PRMT7: variants seen among roughly 807,000 people sequenced by gnomAD.
PRMT7 encodes protein arginine methyltransferase 7, also known as protein arginine N-methyltransferase 7.
In PRMT7, 75 loss-of-function variants were observed where a neutral mutation model predicts 85.4. The ratio of observed to expected loss-of-function variants is 0.88; its 90% CI spans 0.73 to 1.06. The LOEUF is 1.06. Among genes scored for constraint, PRMT7 ranks in the 50% least tolerant of loss-of-function variants. The pLI is 0.00. For synonymous variants in PRMT7, 397 were observed against 359.5 expected (o/e 1.10, Z -1.18); for missense variants, 868 against 915.2 (o/e 0.95, Z 0.67).
At chr16:68,346,914 A>G (rs1402736539) in intron 11 of PRMT7, among the ~76,000 whole-genome samples, 2 of 152,112 alleles carry the variant, frequency 1.3e-5, no homozygotes, top group African/African-American at 2.4e-5. Context: ...TGCTCTAACC[A>G]GACAGGGAAG....
chr16:68,346,194 C>G lies in PRMT7; in HGVS notation c.1105C>G (p.Gln369Glu). 1 of 1,614,174 alleles carries G rather than the reference C, an allele frequency of 6.2e-7. No individual in the cohort carries two copies. The highest frequency in any genetic ancestry group is 8.5e-7 in the Non-Finnish European group (1 of 1,180,040). ...VRQMRPVCDC[Q>E]AHLLWNRPRF... ...CCAGATGCGCCCCGTGTGTGACTGC[C>G]AGGCTCACCTGCTCTGGAACCGGCC... is the stretch of plus-strand genomic sequence containing the variant. The change falls in exon 11 of 19, where the codon CAG (glutamine) becomes GAG (glutamate). Residue 369 changes from glutamine to glutamate, a missense_variant. Gln to Glu is a conservative substitution (Grantham distance 29). Transcript: ENST00000441236.
chr16:68,332,761 C>T (rs893344223), intron 6 of PRMT7, among the ~76,000 whole-genome samples: 14 of 152,190 alleles, frequency 9.2e-5, no homozygotes, highest in Middle Eastern at 3.2e-3. Flanking sequence ...GACTGCCGTG[C>T]TCTGTGTCAC....
At chr16:68,339,274 G>C (rs1333299960) in intron 7 of PRMT7, 48 bp from the exon 8 acceptor site, 1 of 1,608,126 alleles carries the variant, frequency 6.2e-7, no homozygotes, top group South Asian at 1.1e-5. Flanking sequence ...ATTACTGTGG[G>C]TCTAAGCATC....
intron 2 of PRMT7, among the ~76,000 whole-genome samples, chr16:68,313,297 G>C (rs1414614600): frequency 6.6e-6 from 1 of 152,118 alleles, no homozygotes; most frequent in Non-Finnish European, 1.5e-5. Flanking sequence ...TCTGACACAG[G>C]CACATGAACA....
At position 68,357,398 on chromosome 16, in the gene PRMT7, C is replaced by T; in HGVS notation, c.*174C>T. ...ATCTTTGCACTGCTGGCCTCTGGCT[C>T]CAGCTGTGGCAGGAAGCATGAGAGG... is the stretch of plus-strand genomic sequence containing the variant. On this transcript the variant is annotated 3_prime_UTR_variant, in exon 19 of 19. Coordinates refer to ENST00000441236, the MANE Select transcript of PRMT7 (RefSeq NM_019023.5). 2.9e-6 allele frequency: 2 copies of T among 682,016 alleles called. No individual in the cohort carries two copies. The highest frequency in any genetic ancestry group is 4.7e-6 in the Non-Finnish European group (2 of 428,516). The allele number at this position is 682,016 out of a possible 1,614,324, so 42.2% of individuals were successfully genotyped here. A position where few individuals can be genotyped will look rare whatever the true frequency, so the allele number is the denominator to read the frequency against.
In PRMT7 at chr16:68,311,198, G is replaced by A. The variant is rs1170159244; in HGVS notation, c.-219+99G>A. 3.0e-5 allele frequency: 17 copies of A among 573,738 alleles called. 1 individual carries two copies. In the South Asian group the frequency reaches 3.0e-4, roughly 10 times the overall value. 35.5% of individuals were successfully genotyped at this position (573,738 alleles called of 1,614,324 possible). Reference sequence around the variant, plus strand: ...ACCAGGGTTTCGGCAGAGGAGCCTAGCGTGGGCCTACTTGGACTCCTCCGC... The same window carrying A: ...ACCAGGGTTTCGGCAGAGGAGCCTAACGTGGGCCTACTTGGACTCCTCCGC... On this transcript the variant is annotated intron_variant, in intron 1 of 18. Coordinates refer to ENST00000441236, the MANE Select transcript of PRMT7 (RefSeq NM_019023.5).
downstream of PRMT7, chr16:68,360,831 C>T (rs765886945): frequency 3.3e-5 from 7 of 210,012 alleles, no homozygotes; most frequent in African/African-American, 7.0e-5. Context: ...GCATGCGAGA[C>T]GACATTGGCA....
At chr16:68,339,215 T>C in intron 7 of PRMT7, 107 bp from the exon 8 acceptor site, 1 of 1,467,484 alleles carries the variant, frequency 6.8e-7, no homozygotes, top group South Asian at 1.3e-5. Context: ...TGTTGGGCAT[T>C]ACTGAACCAA....
At chr16:68,353,394 G>A in intron 15 of PRMT7, 98 bp from the exon 16 acceptor site, 1 of 1,581,058 alleles carries the variant, frequency 6.3e-7, no homozygotes, top group Non-Finnish European at 8.5e-7. Flanking sequence ...GTCTCTTTCA[G>A]GTGTGCAGGG....
Position 68,344,968 on chromosome 16 carries a change from AT to A in PRMT7, c.928-695del, listed in dbSNP as rs3068649. Among the ~76,000 whole-genome samples, 246 of 140,588 alleles carry A rather than the reference AT, an allele frequency of 1.7e-3. 1 individual carries two copies. In the South Asian group the frequency reaches 0.018, roughly 10 times the overall value. The allele number at this position is 140,588 out of a possible 152,430, so 92.2% of individuals were successfully genotyped here. A position where few individuals can be genotyped will look rare whatever the true frequency, so the allele number is the denominator to read the frequency against. Reference sequence around the variant, plus strand: ...CACACACACACACACGGGCATGCACATTTTTTTTTTTTATTGCTAAATCATT... The same window carrying A: ...CACACACACACACACGGGCATGCACATTTTTTTTTTTATTGCTAAATCATT... On this transcript the variant is annotated intron_variant, in intron 9 of 18. Coordinates refer to ENST00000441236, the MANE Select transcript of PRMT7 (RefSeq NM_019023.5).
At chr16:68,341,669 A>G (rs1290187155) in intron 9 of PRMT7, among the ~76,000 whole-genome samples, 1 of 152,120 alleles carries the variant, frequency 6.6e-6, no homozygotes, top group Non-Finnish European at 1.5e-5. Flanking sequence ...CGGCCTCCCA[A>G]AGTGCTGGGA....
intron 3 of PRMT7, among the ~76,000 whole-genome samples, chr16:68,320,282 C>T (rs970697733): frequency 8.5e-5 from 13 of 152,086 alleles, no homozygotes; most frequent in African/African-American, 1.2e-4. Context: ...AACCCAGTGG[C>T]GCTAGAGGAA....
chr16:68,341,633 T>A (rs2151762314), intron 9 of PRMT7, among the ~76,000 whole-genome samples: 1 of 152,156 alleles, frequency 6.6e-6, no homozygotes, highest in South Asian at 2.1e-4. Flanking sequence ...GGTCTCAAAT[T>A]CCCGACCTCA....
chr16:68,344,846 G>A (rs1111572), intron 9 of PRMT7, among the ~76,000 whole-genome samples: 96,386 of 151,444 alleles, frequency 0.64, 30,999 homozygotes, highest in East Asian at 0.79. Flanking sequence ...GAACACTGAT[G>A]GTCGCTTTAT....
intron 10 of PRMT7, 28 bp from the exon 11 acceptor site, chr16:68,346,117 A>G: frequency 6.2e-7 from 1 of 1,611,604 alleles, no homozygotes; most frequent in Non-Finnish European, 8.5e-7. Context: ...CTCACAGCCC[A>G]CGTCTGTTTG....
chr16:68,334,188 G>A (rs1413375964), intron 6 of PRMT7, among the ~76,000 whole-genome samples: 3 of 152,324 alleles, frequency 2.0e-5, no homozygotes, highest in Middle Eastern at 3.4e-3. Context: ...CATGCACTGC[G>A]TGGGTTGTAT....
chr16:68,311,948 T>A (rs1028942672), intron 1 of PRMT7, 94 bp from the exon 2 acceptor site: 2 of 152,170 alleles, frequency 1.3e-5, no homozygotes, highest in Non-Finnish European at 2.9e-5. Flanking sequence ...GCAAGGGTCT[T>A]CTCTAGCTTG....
In PRMT7 at chr16:68,331,368, T is replaced by G. The variant is rs574591846; in HGVS notation, c.391+2194T>G. The stretch of plus-strand genomic sequence containing the variant: ...TCTCTACCTGTTGATGGACAGGGAT[T>G]TCTTGGATAGGTCTTTAGATTCACT... On this transcript the variant is annotated intron_variant, in intron 6 of 18. Coordinates refer to ENST00000441236, the MANE Select transcript of PRMT7 (RefSeq NM_019023.5). 2.0e-5 allele frequency among the ~76,000 whole-genome samples: 3 copies of G among 152,316 alleles called. No individual in the cohort carries two copies. The South Asian group carries it at 6.2e-4, about 32-fold the overall frequency.
intron 18 of PRMT7, 126 bp downstream of exon 18, chr16:68,356,923 C>G (rs937718347): frequency 4.9e-5 from 67 of 1,360,086 alleles, no homozygotes; most frequent in Non-Finnish European, 6.3e-5. Context: ...ATGATGACCC[C>G]TCAGTGGTCC....
Sources: allele counts gnomAD v4.1 joint callset (sites outside exome capture counted in the v4.1 genomes callset), GRCh38; gene constraint gnomAD v4.1.1; transcripts MANE v1.5; gene names NCBI Gene and HGNC (gene_info 2026-07-23, HGNC 2026-07-21).